Variants in PTPRG observed in about 807,000 individuals in gnomAD.
The protein encoded by PTPRG is protein tyrosine phosphatase receptor type G, also known as receptor-type tyrosine-protein phosphatase gamma.
Under a neutral mutation model 165.3 loss-of-function variants are expected in PTPRG, and 102 were observed. The observed-to-expected ratio is 0.62, with a 90% CI of 0.53 to 0.73. The LOEUF (loss-of-function observed/expected upper bound fraction) is 0.73, where lower values mean the gene tolerates loss of function less well. Among genes scored for constraint, PTPRG ranks in the 30% least tolerant of loss-of-function variants. The probability of loss-of-function intolerance (pLI) is 0.00; values close to 1 mark genes in which losing one functional copy is unlikely to be tolerated. For synonymous variants in PTPRG, 675 were observed against 669.5 expected, an observed-to-expected ratio of 1.01 and a Z score of -0.13; for missense variants, 1,866 against 1,861.4, an observed-to-expected ratio of 1.00 and a Z score of -0.05.
chr3:61,951,598 C>T (rs968453975), intron 2 of PTPRG, among the ~76,000 whole-genome samples: 2 of 152,106 alleles, frequency 1.3e-5, no homozygotes, highest in African/African-American at 4.8e-5. Context: ...CAGAGGACTC[C>T]CCTAATTTCC....
chr3:62,142,506 A>G (rs530052075), intron 6 of PTPRG, among the ~76,000 whole-genome samples: 2 of 152,300 alleles, frequency 1.3e-5, no homozygotes, highest in South Asian at 2.1e-4. Flanking sequence ...ATATTTCACA[A>G]TCAAAGAAGA....
intron 12 of PTPRG, among the ~76,000 whole-genome samples, chr3:62,206,910 C>T (rs1382153339): frequency 4.0e-5 from 3 of 75,414 alleles, no homozygotes; most frequent in African/African-American, 1.9e-4. Flanking sequence ...AAGACTCTGT[C>T]TCAAAAAAAA....
rs1051893230 is a variant in PTPRG, at chr3:62,168,288, A to C, written c.1033+125A>C. The C allele has an allele frequency of 9.8e-6, 9 of 922,532 alleles. No homozygotes were observed. In the African/African-American group the frequency reaches 1.5e-4, roughly 16 times the overall value. 57.1% of individuals were successfully genotyped at this position (922,532 alleles called of 1,614,324 possible). A position where few individuals can be genotyped will look rare whatever the true frequency, so the allele number is the denominator to read the frequency against. ...GTTAAATGCATATGTTTCTCTGCTA[A>C]AGGGAGCCTGTCTGGCTGAAAAATA... On this transcript the variant is annotated intron_variant, in intron 8 of 29. Transcript: ENST00000474889.
In PTPRG at chr3:62,089,838, G is replaced by A. The variant is rs186781474; in HGVS notation, c.615+11580G>A. Among the ~76,000 whole-genome samples, 7 of 152,276 alleles carry A rather than the reference G, an allele frequency of 4.6e-5. No individual in the cohort carries two copies. The East Asian group carries it at 7.7e-4, about 17-fold the overall frequency. On this transcript the variant is annotated intron_variant, in intron 5 of 29. Coordinates refer to ENST00000474889, the MANE Select transcript of PTPRG (RefSeq NM_002841.4). ...GAGAGCTAACTAATTTAGGTCTTGC[G>A]TATTTAGAATTTGGATTTGTCCAAA...
At chr3:62,073,687 G>A (rs2106736807) in intron 4 of PTPRG, among the ~76,000 whole-genome samples, 1 of 152,188 alleles carries the variant, frequency 6.6e-6, no homozygotes, top group Admixed American at 6.5e-5. Context: ...CACCATGTTG[G>A]CCAGGCTGGT....
Position 62,023,660 on chromosome 3 carries a change from A to G in PTPRG, c.519+20163A>G, listed in dbSNP as rs150462709. ...ATGGCTAAATTTAGATTCATCCAAC[A>G]TCTGCCTTTATTACGGATATGGAAA... On this transcript the variant is annotated intron_variant, in intron 4 of 29. Coordinates refer to ENST00000474889, the MANE Select transcript of PTPRG (RefSeq NM_002841.4). Among the ~76,000 whole-genome samples the G allele has an allele frequency of 4.0e-3, 613 of 152,284 alleles. 5 individuals carry two copies. The highest frequency in any genetic ancestry group is 0.014 in the African/African-American group (586 of 41,568).
chr3:62,005,946 A>G (rs968905128), intron 4 of PTPRG, among the ~76,000 whole-genome samples: 6 of 151,668 alleles, frequency 4.0e-5, no homozygotes, highest in Non-Finnish European at 8.8e-5. Context: ...CAAATGATCC[A>G]CCTTTCTCAG....
At chr3:61,672,437 A>C (rs1451256279) in intron 1 of PTPRG, among the ~76,000 whole-genome samples, 1 of 136,232 alleles carries the variant, frequency 7.3e-6, no homozygotes, top group Non-Finnish European at 1.6e-5. Context: ...ACCATTGAGC[A>C]CTGAGTGAAT....
chr3:62,259,791 T>C (rs1701638345), intron 16 of PTPRG, among the ~76,000 whole-genome samples: 1 of 152,104 alleles, frequency 6.6e-6, no homozygotes, highest in African/African-American at 2.4e-5. Context: ...GATACATGGA[T>C]TTGGATACAG....
intron 4 of PTPRG, among the ~76,000 whole-genome samples, chr3:62,003,888 C>G (rs1483140807): frequency 6.6e-6 from 1 of 152,218 alleles, no homozygotes; most frequent in Non-Finnish European, 1.5e-5. Context: ...GAGTCTCTCT[C>G]AGAACCTTCT....
At chr3:61,803,307 A>G (rs1371403867) in intron 2 of PTPRG, among the ~76,000 whole-genome samples, 2 of 152,232 alleles carry the variant, frequency 1.3e-5, no homozygotes, top group South Asian at 2.1e-4. Context: ...TCAACCTGCA[A>G]TCGATAAAAA....
At chr3:61,966,644 T>C (rs1286337734) in intron 2 of PTPRG, among the ~76,000 whole-genome samples, 1 of 152,190 alleles carries the variant, frequency 6.6e-6, no homozygotes, top group South Asian at 2.1e-4. Flanking sequence ...TTTCTCACTT[T>C]CCTTATTCAA....
At chr3:61,918,835 C>T (rs2039006517) in intron 2 of PTPRG, among the ~76,000 whole-genome samples, 1 of 152,178 alleles carries the variant, frequency 6.6e-6, no homozygotes, top group Non-Finnish European at 1.5e-5. Context: ...TTTATATTGC[C>T]AGCCAACTTA....
chr3:62,247,162 T>C (rs1701305419), intron 15 of PTPRG, among the ~76,000 whole-genome samples: 1 of 152,166 alleles, frequency 6.6e-6, no homozygotes, highest in Admixed American at 6.5e-5. Flanking sequence ...CAGGTACAGT[T>C]GACACCCCCA....
At chr3:61,888,330 T>G (rs766795262) in intron 2 of PTPRG, among the ~76,000 whole-genome samples, 5 of 145,650 alleles carry the variant, frequency 3.4e-5, no homozygotes, top group African/African-American at 5.5e-5. Flanking sequence ...TTGTTTTTTT[T>G]GTTTGTTTGT....
intron 6 of PTPRG, among the ~76,000 whole-genome samples, chr3:62,141,812 G>A (rs1201082038): frequency 6.6e-6 from 1 of 151,662 alleles, no homozygotes; most frequent in African/African-American, 2.4e-5. Flanking sequence ...GGGAGGCTGA[G>A]GCATGAGAAT....
intron 28 of PTPRG, 131 bp from the exon 29 acceptor site, chr3:62,292,290 C>A: frequency 9.9e-7 from 1 of 1,008,266 alleles, no homozygotes; most frequent in Non-Finnish European, 1.4e-6. Context: ...GCATTTCATT[C>A]AGTCGTGTCT....
At chr3:61,804,298 G>T (rs1012707409) in intron 2 of PTPRG, among the ~76,000 whole-genome samples, 2 of 152,230 alleles carry the variant, frequency 1.3e-5, no homozygotes, top group Admixed American at 1.3e-4. Context: ...TTACTGGAAA[G>T]ATGTGGACTT....
chr3:62,014,275 C>T (rs527622020), intron 4 of PTPRG, among the ~76,000 whole-genome samples: 1 of 152,074 alleles, frequency 6.6e-6, no homozygotes, highest in Non-Finnish European at 1.5e-5. Flanking sequence ...CTTCTCAGTC[C>T]GGATTGTTTG....
Sources: gnomAD v4.1 joint callset for allele counts (sites outside exome capture counted in the v4.1 genomes callset) on GRCh38, gnomAD v4.1.1 for gene constraint, MANE v1.5 for transcripts, NCBI Gene and HGNC (gene_info 2026-07-23, HGNC 2026-07-21) for gene names.